EXOC4: variants seen among roughly 807,000 people sequenced by gnomAD.
EXOC4 encodes exocyst complex component 4.
A neutral mutation model predicts 107.2 loss-of-function variants in EXOC4; 71 were observed. That is an observed-to-expected ratio of 0.66 (90% confidence interval 0.55 to 0.81). EXOC4 has a LOEUF of 0.81. EXOC4 is among the 30% of genes least tolerant of loss of function. The probability of loss-of-function intolerance (pLI) is 0.00; values close to 1 mark genes in which losing one functional copy is unlikely to be tolerated. For synonymous variants in EXOC4, 456 were observed against 441.2 expected (o/e 1.03, Z -0.42); for missense variants, 1,108 against 1,189.6 (o/e 0.93, Z 1.01).
intron 12 of EXOC4, among the ~76,000 whole-genome samples, chr7:133,917,210 A>G (rs535419874): frequency 2.5e-4 from 38 of 152,322 alleles, no homozygotes; most frequent in Non-Finnish European, 4.7e-4. Context: ...GGTACTAGTT[A>G]TGTTGTCACT....
chr7:133,815,315 A>C (rs764309701), intron 10 of EXOC4, among the ~76,000 whole-genome samples: 16 of 146,734 alleles, frequency 1.1e-4, no homozygotes, highest in Non-Finnish European at 1.3e-4. Context: ...CAGGAGGTGG[A>C]GGTGAGCCGA....
At chr7:134,049,043 G>A (rs1795722879) in intron 17 of EXOC4, among the ~76,000 whole-genome samples, 1 of 152,188 alleles carries the variant, frequency 6.6e-6, no homozygotes, top group South Asian at 2.1e-4. Context: ...ATTCCAGGGT[G>A]TATGTAAACT....
At chr7:133,835,139 A>G (rs1797891901) in intron 11 of EXOC4, among the ~76,000 whole-genome samples, 1 of 152,214 alleles carries the variant, frequency 6.6e-6, no homozygotes, top group South Asian at 2.1e-4. Context: ...TGCCTTTATC[A>G]GCAGTGTGAA....
chr7:133,430,619 A>G (rs570039380), intron 7 of EXOC4, among the ~76,000 whole-genome samples: 1 of 152,196 alleles, frequency 6.6e-6, no homozygotes, highest in Non-Finnish European at 1.5e-5. Flanking sequence ...TTACAATTTT[A>G]CTATACCTAG....
At chr7:133,731,184 T>A (rs1795318357) in intron 10 of EXOC4, among the ~76,000 whole-genome samples, 1 of 152,194 alleles carries the variant, frequency 6.6e-6, no homozygotes, top group Non-Finnish European at 1.5e-5. Flanking sequence ...AATAAAATAA[T>A]AAAATGTAAC....
chr7:133,727,355 A>G (rs180996200), intron 10 of EXOC4: 160 of 160,470 alleles, frequency 1.0e-3, no homozygotes, highest in Middle Eastern at 3.4e-3. Context: ...AACTTAGTGC[A>G]TGGGCTCAGT....
intron 10 of EXOC4, among the ~76,000 whole-genome samples, chr7:133,685,818 G>A (rs1382103470): frequency 6.6e-6 from 1 of 152,066 alleles, no homozygotes; most frequent in Non-Finnish European, 1.5e-5. Context: ...TGGTCTTTTA[G>A]TATAGTGATC....
chr7:133,660,054 A>C lies in EXOC4; in HGVS notation c.1514+29913A>C, dbSNP rs563563993. ...CAACCTGCAGTGTCATGGAGTTACC[A>C]ATACCCTTTCCCTTTCCCCATCCTG... On this transcript the variant is annotated intron_variant, in intron 10 of 17. Transcript: ENST00000253861. Among the ~76,000 whole-genome samples the C allele has an allele frequency of 3.3e-5, 5 of 152,288 alleles. No individual in the cohort carries two copies. The South Asian group carries it at 1.0e-3, about 32-fold the overall frequency.
intron 12 of EXOC4, among the ~76,000 whole-genome samples, chr7:133,902,572 G>T (rs1019020144): frequency 1.3e-5 from 2 of 152,084 alleles, no homozygotes; most frequent in African/African-American, 4.8e-5. Flanking sequence ...AGAATTTTAG[G>T]GCCGGGCGCA....
chr7:133,678,916 G>A (rs1050338003), intron 10 of EXOC4, among the ~76,000 whole-genome samples: 1 of 152,066 alleles, frequency 6.6e-6, no homozygotes, highest in African/African-American at 2.4e-5. Flanking sequence ...CACCACACCT[G>A]GCCAGCTTCC....
chr7:133,973,306 A>G (rs1311910427), intron 14 of EXOC4, among the ~76,000 whole-genome samples: 2 of 152,240 alleles, frequency 1.3e-5, no homozygotes, highest in Non-Finnish European at 2.9e-5. Flanking sequence ...CAAGGAAGGC[A>G]TTCTGGAGAA....
chr7:133,666,729 C>G (rs1237925924), intron 10 of EXOC4, among the ~76,000 whole-genome samples: 2 of 152,164 alleles, frequency 1.3e-5, no homozygotes, highest in Non-Finnish European at 2.9e-5. Context: ...ATGCCAGTCA[C>G]TAGGCATGTA....
At chr7:134,039,190 C>T (rs889580771) in intron 17 of EXOC4, among the ~76,000 whole-genome samples, 1 of 152,108 alleles carries the variant, frequency 6.6e-6, no homozygotes, top group South Asian at 2.1e-4. Context: ...TGTATATGTA[C>T]TCACGTAGGT....
intron 9 of EXOC4, among the ~76,000 whole-genome samples, chr7:133,578,254 G>A (rs1008771026): frequency 9.9e-5 from 15 of 152,070 alleles, no homozygotes; most frequent in Non-Finnish European, 1.9e-4. Flanking sequence ...GGATTTTTAT[G>A]AATGTACCTG....
intron 1 of EXOC4, among the ~76,000 whole-genome samples, chr7:133,267,980 A>T (rs1290774811): frequency 1.3e-5 from 2 of 152,196 alleles, no homozygotes; most frequent in Admixed American, 1.3e-4. Context: ...TTAGAAAGGG[A>T]TAGGCTTTAG....
intron 10 of EXOC4, among the ~76,000 whole-genome samples, chr7:133,663,142 A>G (rs1585063151): frequency 1.3e-5 from 2 of 152,126 alleles, no homozygotes; most frequent in East Asian, 3.9e-4. Context: ...TGCTAAATCC[A>G]TCTATAGTAT....
chr7:133,756,369 A>G (rs1000541757), intron 10 of EXOC4, among the ~76,000 whole-genome samples: 1 of 152,116 alleles, frequency 6.6e-6, no homozygotes, highest in Non-Finnish European at 1.5e-5. Flanking sequence ...GTTCCTTCAG[A>G]TTCACTTACC....
At chr7:133,967,797 T>C (rs778592415) in intron 14 of EXOC4, among the ~76,000 whole-genome samples, 56 of 152,232 alleles carry the variant, frequency 3.7e-4, no homozygotes, top group Non-Finnish European at 6.5e-4. Flanking sequence ...GAGAATAATG[T>C]ATATTCTGTT....
intron 9 of EXOC4, among the ~76,000 whole-genome samples, chr7:133,485,946 A>G (rs1040857455): frequency 2.0e-5 from 3 of 151,988 alleles, no homozygotes; most frequent in African/African-American, 4.8e-5. Context: ...CTCAATTTCC[A>G]TTATGTTTTC....
Sources: allele counts gnomAD v4.1 joint callset (sites outside exome capture counted in the v4.1 genomes callset), GRCh38; gene constraint gnomAD v4.1.1; transcripts MANE v1.5; gene names NCBI Gene and HGNC (gene_info 2026-07-23, HGNC 2026-07-21).